Variants in CHRD observed in about 807,000 individuals in gnomAD.
The protein encoded by CHRD is chordin.
A neutral mutation model predicts 113.7 loss-of-function variants in CHRD; 69 were observed. The observed-to-expected ratio is 0.61, with a 90% CI of 0.50 to 0.74. The LOEUF is 0.74. Ranked by LOEUF, CHRD falls within the 30% of genes least tolerant of loss-of-function variation. The probability of loss-of-function intolerance (pLI) is 0.00; values close to 1 mark genes in which losing one functional copy is unlikely to be tolerated. For synonymous variants in CHRD, 561 were observed against 540.8 expected, an observed-to-expected ratio of 1.04 and a Z score of -0.52; for missense variants, 1,194 against 1,295.8, an observed-to-expected ratio of 0.92 and a Z score of 1.21.
chr3:184,381,898 G>A lies in CHRD; in HGVS notation c.612-35G>A. On this transcript the variant is annotated intron_variant, in intron 5 of 22. Transcript: ENST00000204604. This position sits in a 1 kb window ranked among gnomAD's most constrained non-coding sequence, Gnocchi z 4.7. Reference sequence around the variant, plus strand: ...GGAGAGCTGGGAGGGGCTGCTTTTGGCTCAGTCCGGCCTCACCCGACCTCT... The same window carrying A: ...GGAGAGCTGGGAGGGGCTGCTTTTGACTCAGTCCGGCCTCACCCGACCTCT... The A allele has an allele frequency of 6.2e-7, 1 of 1,613,304 alleles. No individual in the cohort carries two copies. Among genetic ancestry groups the A allele is most frequent in the Non-Finnish European group, 8.5e-7 (1 of 1,179,748 alleles).
chr3:184,380,370 C>A lies in CHRD; in HGVS notation c.52C>A (p.Leu18Met). The A allele has an allele frequency of 2.2e-6, 3 of 1,351,448 alleles. No individual in the cohort carries two copies. Among genetic ancestry groups the A allele is most frequent in the Non-Finnish European group, 2.9e-6 (3 of 1,041,022 alleles). The allele number at this position is 1,351,448 out of a possible 1,614,324, so 83.7% of individuals were successfully genotyped here. The change falls in exon 1 of 23, where the codon CTG (leucine) becomes ATG (methionine). Residue 18 changes from leucine to methionine, a missense_variant. Coordinates refer to ENST00000204604, the Ensembl canonical transcript of CHRD. This position sits in a 1 kb window ranked among gnomAD's most constrained non-coding sequence, Gnocchi z 6.3. ...CCCGCTGCTGCTCCTCGGGCTGCTG[C>A]TGCTCGGCTCCCGGCCGGCCCGCGG... is the stretch of plus-strand genomic sequence containing the variant.
At chr3:184,382,599 T>C in intron 7 of CHRD, 35 bp from the exon 8 acceptor site, 1 of 1,608,606 alleles carries the variant, frequency 6.2e-7, no homozygotes, top group Admixed American at 1.7e-5. Flanking sequence ...GGGGGGAGGG[T>C]TTCTGACGGG....
At position 184,384,924 on chromosome 3, in the gene CHRD, C is replaced by T. The variant is rs958724134; in HGVS notation, c.1598-94C>T. 1.0e-5 allele frequency: 14 copies of T among 1,362,754 alleles called. No individual in the cohort carries two copies. The highest frequency in any genetic ancestry group is 4.6e-5 in the East Asian group (2 of 43,462). The allele number at this position is 1,362,754 out of a possible 1,614,324, so 84.4% of individuals were successfully genotyped here. ...GACCTATGGACAGTGTCTTCCAGCTCGTGGAATGTGTGCTGGGGAGCTGGG... is the reference window on the plus strand; with the variant it reads ...GACCTATGGACAGTGTCTTCCAGCTTGTGGAATGTGTGCTGGGGAGCTGGG... On this transcript the variant is annotated intron_variant, in intron 13 of 22. Transcript: ENST00000204604. This position sits in a 1 kb window ranked among gnomAD's most constrained non-coding sequence, Gnocchi z 4.4.
Position 184,386,982 on chromosome 3 carries a change from C to T in CHRD, c.2290+44C>T, listed in dbSNP as rs116510729. The T allele has an allele frequency of 1.9e-3, 3,121 of 1,613,826 alleles. 40 individuals carry two copies. The African/African-American group carries it at 0.027, about 14-fold the overall frequency. Reference sequence around the variant, plus strand: ...AGTGGAGGGAGGAGTTGGCCCAGTGCGGACAGGTCCTTTGGGGAGGGAATG... The same window carrying T: ...AGTGGAGGGAGGAGTTGGCCCAGTGTGGACAGGTCCTTTGGGGAGGGAATG... On this transcript the variant is annotated intron_variant, in intron 17 of 22. Coordinates refer to ENST00000204604, the Ensembl canonical transcript of CHRD.
At position 184,388,762 on chromosome 3, in the gene CHRD, T is replaced by C; in HGVS notation, c.2709+21T>C. 1.2e-6 allele frequency: 2 copies of C among 1,613,010 alleles called. No individual in the cohort carries two copies. The highest frequency in any genetic ancestry group is 1.7e-6 in the Non-Finnish European group (2 of 1,179,386). On this transcript the variant is annotated intron_variant, in intron 21 of 22. Coordinates refer to ENST00000204604, the Ensembl canonical transcript of CHRD. The surrounding 1 kb of genome is among the most constrained non-coding windows in gnomAD (Gnocchi z 6.1). ...GTGGGGTAAGTGGGGAGCAGAGGCT[T>C]GTGTGAGGTGGGTACTGGGAGCCTG...
chr3:184,388,429 A>ATCCATCCG lies in CHRD; in HGVS notation c.2555-155_2555-154insATCCGTCC, dbSNP rs1481346086. 2.2e-4 allele frequency among the ~76,000 whole-genome samples: 33 copies of ATCCATCCG among 149,116 alleles called. No homozygotes were observed. The highest frequency in any genetic ancestry group is 8.2e-4 in the African/African-American group (32 of 39,170). ...CATCCATCCATCCATCCATCCATCC[A>ATCCATCCG]TCCGTCCCTTCATCCATCCATTCAT... On this transcript the variant is annotated intron_variant, in intron 20 of 22. Coordinates refer to ENST00000204604, the Ensembl canonical transcript of CHRD. This position sits in a 1 kb window ranked among gnomAD's most constrained non-coding sequence, Gnocchi z 6.1.
At position 184,381,838 on chromosome 3, in the gene CHRD, G is replaced by A. The variant is rs1194573632; in HGVS notation, c.611+23G>A. ...GCGGTGAGAAAGGGGAAGGAGCAAGGAGGGGTCAGCTGCCGGGGCCCGGGA... is the reference window on the plus strand; with the variant it reads ...GCGGTGAGAAAGGGGAAGGAGCAAGAAGGGGTCAGCTGCCGGGGCCCGGGA... On this transcript the variant is annotated intron_variant, in intron 5 of 22. Transcript: ENST00000204604. This position sits in a 1 kb window ranked among gnomAD's most constrained non-coding sequence, Gnocchi z 4.7. 10 of 1,612,038 alleles carry A rather than the reference G, an allele frequency of 6.2e-6. No homozygotes were observed. Among genetic ancestry groups the A allele is most frequent in the South Asian group, 2.2e-5 (2 of 90,858 alleles).
At position 184,386,026 on chromosome 3, in the gene CHRD, A is replaced by G; in HGVS notation, c.1819-20A>G. On this transcript the variant is annotated intron_variant, in intron 14 of 22. Coordinates refer to ENST00000204604, the Ensembl canonical transcript of CHRD. ...GCCCTAAAGTGCCTTATTCCTATCC[A>G]TTGTCCTGTCTATGTGCAGGCCCAG... is the stretch of plus-strand genomic sequence containing the variant. The G allele has an allele frequency of 6.2e-7, 1 of 1,613,694 alleles. No individual in the cohort carries two copies. The highest frequency in any genetic ancestry group is 8.5e-7 in the Non-Finnish European group (1 of 1,179,668).
chr3:184,385,981 A>G, intron 14 of CHRD, 65 bp from the exon 15 acceptor site: 1 of 1,517,012 alleles, frequency 6.6e-7, no homozygotes, highest in South Asian at 1.1e-5. Context: ...TTCATCTGTG[A>G]ACTGGGGACA....
At chr3:184,385,738 T>G (rs956812113) in intron 14 of CHRD, among the ~76,000 whole-genome samples, 3 of 147,028 alleles carry the variant, frequency 2.0e-5, no homozygotes, top group Admixed American at 2.0e-4. Context: ...TGGGCATGAC[T>G]CTGACTGGCT....
Position 184,381,514 on chromosome 3 carries a change from G to A in CHRD, c.401G>A (p.Arg134Gln), listed in dbSNP as rs776748999. The stretch of plus-strand genomic sequence containing the variant: ...CCCGCAGAGCGCAGCAGTTCGGAGC[G>A]GCAGCCGAGCGGCCTGTCCTTCGAG... Residue 134 changes from arginine to glutamine, a missense_variant, in exon 4 of 23, where the codon CGG becomes CAG. Physicochemically the swap from Arg to Gln is conservative, Grantham distance 43. Transcript: ENST00000204604. This position sits in a 1 kb window ranked among gnomAD's most constrained non-coding sequence, Gnocchi z 4.7. 7.5e-6 allele frequency: 12 copies of A among 1,599,606 alleles called. No homozygotes were observed. The highest frequency in any genetic ancestry group is 1.0e-5 in the Non-Finnish European group (12 of 1,173,586).
rs772319456 is a variant in CHRD at position 184,381,470 on chromosome 3, C to T, written c.383-26C>T. On this transcript the variant is annotated intron_variant, in intron 3 of 22. Transcript: ENST00000204604. The surrounding 1 kb of genome is among the most constrained non-coding windows in gnomAD (Gnocchi z 4.7). ...GGCCTTTCCCATGGCCAGCTGAAGCCCGTGTTCTTACCCCCCCGCCCGCAG... is the reference window on the plus strand; with the variant it reads ...GGCCTTTCCCATGGCCAGCTGAAGCTCGTGTTCTTACCCCCCCGCCCGCAG... The T allele has an allele frequency of 6.3e-7, 1 of 1,587,426 alleles. No individual in the cohort carries two copies. The highest frequency in any genetic ancestry group is 1.1e-5 in the South Asian group (1 of 88,172).
rs1234958908 is a variant in CHRD at position 184,388,273 on chromosome 3, ATCCATCCATCCG to A, written c.2554+246_2554+257del. ...CATCCATCCATCCATCCATCCATCC[ATCCATCCATCCG>A]TCCATTCATCTATCTATCCACCCAT... On this transcript the variant is annotated intron_variant, in intron 20 of 22. Coordinates refer to ENST00000204604, the Ensembl canonical transcript of CHRD. This position sits in a 1 kb window ranked among gnomAD's most constrained non-coding sequence, Gnocchi z 6.1. 7.3e-5 allele frequency among the ~76,000 whole-genome samples: 11 copies of A among 151,056 alleles called. No individual in the cohort carries two copies. The highest frequency in any genetic ancestry group is 2.0e-4 in the Admixed American group (3 of 15,202).
exon 7 of CHRD, chr3:184,382,501 C>T (rs1162140853): frequency 5.6e-6 from 9 of 1,613,872 alleles, no homozygotes; most frequent in Admixed American, 3.3e-5. Flanking sequence ...GTCTGGGGGC[C>T]TCTCATCCGG....
In CHRD at chr3:184,384,760, G is replaced by GA; in HGVS notation, c.1597+67_1597+68insA. On this transcript the variant is annotated intron_variant, in intron 13 of 22. Transcript: ENST00000204604. This position sits in a 1 kb window ranked among gnomAD's most constrained non-coding sequence, Gnocchi z 4.4. ...AACATTTGAGGGATGGTGGCAGACA[G>GA]CCGGAGCCTGGTGTGTCTTTCTTTG... 2 of 1,492,446 alleles carry GA rather than the reference G, an allele frequency of 1.3e-6. No individual in the cohort carries two copies. The highest frequency in any genetic ancestry group is 1.8e-6 in the Non-Finnish European group (2 of 1,121,948). 92.5% of individuals were successfully genotyped at this position (1,492,446 alleles called of 1,614,324 possible).
downstream of CHRD, chr3:184,390,392 C>T (rs574887701): frequency 3.9e-5 from 6 of 152,094 alleles, no homozygotes; most frequent in African/African-American, 1.4e-4. Context: ...GCATGAGCCA[C>T]CACACCCAGC....
rs1032783409 is a variant in CHRD at position 184,381,323 on chromosome 3, C to G, written c.341C>G (p.Pro114Arg). The change falls in exon 3 of 23, where the codon CCG becomes CGG. Residue 114 changes from proline to arginine, a missense_variant. Transcript: ENST00000204604. The surrounding 1 kb of genome is among the most constrained non-coding windows in gnomAD (Gnocchi z 4.7). ...TGCCCAACCCCGGCCTGTGGGCAGC[C>G]GCGCCAGCTGCCGGGACACTGCTGC... 1 of 1,607,332 alleles carries G rather than the reference C, an allele frequency of 6.2e-7. No individual in the cohort carries two copies. Among genetic ancestry groups the G allele is most frequent in the Non-Finnish European group, 8.5e-7 (1 of 1,177,458 alleles).
rs976362483 is a variant in CHRD, at chr3:184,387,825, A to G, written c.2452-106A>G. 5 of 1,042,954 alleles carry G rather than the reference A, an allele frequency of 4.8e-6. No individual in the cohort carries two copies. In the African/African-American group the frequency reaches 7.9e-5, roughly 16 times the overall value. 64.6% of individuals were successfully genotyped at this position (1,042,954 alleles called of 1,614,324 possible). ...ATAAAGCCAGTCCGGGCCTCTGAGT[A>G]AAAGGCCACAGAGAGACTGCATTTG... On this transcript the variant is annotated intron_variant, in intron 19 of 22. Transcript: ENST00000204604. This position sits in a 1 kb window ranked among gnomAD's most constrained non-coding sequence, Gnocchi z 6.1.
exon 8 of CHRD, chr3:184,382,646 C>G (rs1342243004): frequency 1.2e-6 from 2 of 1,613,074 alleles, no homozygotes; most frequent in Non-Finnish European, 1.7e-6. Context: ...ACCTTCAGTG[C>G]CATCCTGACT....
Sources: gnomAD v4.1 joint callset for allele counts (sites outside exome capture counted in the v4.1 genomes callset) on GRCh38, gnomAD v4.1.1 for gene constraint, Gnocchi (gnomAD v3.1) non-coding constraint, MANE v1.5 for transcripts, NCBI Gene and HGNC (gene_info 2026-07-23, HGNC 2026-07-21) for gene names.